Variants in FRAS1 observed in about 807,000 individuals in gnomAD.
The protein encoded by FRAS1 is Fraser extracellular matrix complex subunit 1.
FRAS1 carries 290 observed loss-of-function variants against 435.2 expected under a neutral mutation model. The ratio of observed to expected loss-of-function variants is 0.67; its 90% CI spans 0.61 to 0.73. FRAS1 has a LOEUF of 0.73. Ranked by LOEUF, FRAS1 falls within the 30% of genes least tolerant of loss-of-function variation. The pLI is 0.00. For missense variants in FRAS1, 4,860 were observed against 5,001.5 expected (o/e 0.97, Z 0.85); for synonymous variants, 1,800 against 1,851.0 (o/e 0.97, Z 0.71).
At chr4:78,216,838 G>A (rs929036286) in intron 2 of FRAS1, among the ~76,000 whole-genome samples, 2 of 152,162 alleles carry the variant, frequency 1.3e-5, no homozygotes, top group Non-Finnish European at 2.9e-5. Context: ...GAGAAGAAGG[G>A]AGAGACTGTG....
intron 2 of FRAS1, among the ~76,000 whole-genome samples, chr4:78,216,628 A>G (rs1396247687): frequency 6.6e-6 from 1 of 152,228 alleles, no homozygotes; most frequent in African/African-American, 2.4e-5. Context: ...GCAGTTCAGC[A>G]GTAAACCGTT....
intron 58 of FRAS1, among the ~76,000 whole-genome samples, chr4:78,483,602 A>G (rs1720076673): frequency 1.3e-5 from 2 of 151,888 alleles, no homozygotes; most frequent in South Asian, 2.1e-4. Context: ...TTCTTAAATC[A>G]TTTATTTCAT....
chr4:78,067,108 C>A (rs1259069472), intron 2 of FRAS1, among the ~76,000 whole-genome samples: 1 of 152,126 alleles, frequency 6.6e-6, no homozygotes. Flanking sequence ...AGTCAGTTAT[C>A]CGTGCTAATA....
chr4:78,224,617 C>T lies in FRAS1; in HGVS notation c.109-12893C>T, dbSNP rs1229776685. ...CTGTGATCATGGCTCACTGCAGCCT[C>T]GACTTCCCAGTCTCAAGCAATCCCC... is the stretch of plus-strand genomic sequence containing the variant. On this transcript the variant is annotated intron_variant, in intron 2 of 73. Transcript: ENST00000512123. 2.6e-5 allele frequency among the ~76,000 whole-genome samples: 4 copies of T among 152,164 alleles called. No individual in the cohort carries two copies. The East Asian group carries it at 5.8e-4, about 22-fold the overall frequency.
rs552565424 is a variant in FRAS1 at position 78,265,616 on chromosome 4, T to C, written c.687+508T>C. Among the ~76,000 whole-genome samples, 14 of 152,260 alleles carry C rather than the reference T, an allele frequency of 9.2e-5. No individual in the cohort carries two copies. In the South Asian group the frequency reaches 1.2e-3, roughly 14 times the overall value. The stretch of plus-strand genomic sequence containing the variant: ...TACTATTGGATAGCCTGGATAACGA[T>C]GTGCCTAACATGTAGTAAGCATCAA... On this transcript the variant is annotated intron_variant, in intron 7 of 73. Transcript: ENST00000512123.
At position 78,541,745 on chromosome 4, in the gene FRAS1, C is replaced by T. The variant is rs1722060541; in HGVS notation, c.*621C>T. The T allele has an allele frequency of 6.6e-6, 1 of 152,138 alleles. No homozygotes were observed. Among genetic ancestry groups the T allele is most frequent in the Admixed American group, 6.5e-5 (1 of 15,280 alleles). The allele number at this position is 152,138 out of a possible 1,614,324, so 9.4% of individuals were successfully genotyped here. On this transcript the variant is annotated 3_prime_UTR_variant, in exon 74 of 74. Coordinates refer to ENST00000512123, the MANE Select transcript of FRAS1 (RefSeq NM_025074.7). Reference sequence around the variant, plus strand: ...TGCTTAAGTAAAATCCTCTGAAAACCACGGGAGCCTCTGCCTCCTCAGCCA... The same window carrying T: ...TGCTTAAGTAAAATCCTCTGAAAACTACGGGAGCCTCTGCCTCCTCAGCCA...
intron 2 of FRAS1, among the ~76,000 whole-genome samples, chr4:78,164,937 A>G (rs1721277702): frequency 6.6e-6 from 1 of 152,186 alleles, no homozygotes; most frequent in African/African-American, 2.4e-5. Flanking sequence ...TTCAGATTCA[A>G]TGCTAGGCTG....
At chr4:78,149,149 G>A (rs1244689680) in intron 2 of FRAS1, among the ~76,000 whole-genome samples, 4 of 152,054 alleles carry the variant, frequency 2.6e-5, no homozygotes, top group African/African-American at 9.7e-5. Flanking sequence ...GCATGATCCT[G>A]GAAATGGCAG....
chr4:78,187,663 G>A (rs1401914459), intron 2 of FRAS1, among the ~76,000 whole-genome samples: 3 of 151,938 alleles, frequency 2.0e-5, no homozygotes, highest in Non-Finnish European at 4.4e-5. Flanking sequence ...GAGTGCAGTG[G>A]CAAGATCTCA....
rs552748871 is a variant in FRAS1, at chr4:78,508,581, G to A, written c.9505-150G>A. Reference sequence around the variant, plus strand: ...AAGATCTGCAGTATCTTTTAAGGATGCCTGGCAAAGAATTATAAAAACTTC... The same window carrying A: ...AAGATCTGCAGTATCTTTTAAGGATACCTGGCAAAGAATTATAAAAACTTC... On this transcript the variant is annotated intron_variant, in intron 62 of 73. Coordinates refer to ENST00000512123, the MANE Select transcript of FRAS1 (RefSeq NM_025074.7). 5.3e-5 allele frequency: 40 copies of A among 750,264 alleles called. 1 individual carries two copies. The South Asian group carries it at 7.3e-4, about 14-fold the overall frequency. The allele number at this position is 750,264 out of a possible 1,614,324, so 46.5% of individuals were successfully genotyped here. A position where few individuals can be genotyped will look rare whatever the true frequency, so the allele number is the denominator to read the frequency against.
chr4:78,070,552 C>A (rs1018677469), intron 2 of FRAS1: 7 of 152,142 alleles, frequency 4.6e-5, no homozygotes, highest in African/African-American at 1.7e-4. Context: ...AATACCCATG[C>A]ACCCCTGGGC....
chr4:78,283,445 G>C (rs918239429), intron 12 of FRAS1, among the ~76,000 whole-genome samples: 1 of 152,186 alleles, frequency 6.6e-6, no homozygotes, highest in African/African-American at 2.4e-5. Context: ...TTTTCCAAAA[G>C]ATAATTTTGT....
At chr4:78,501,578 A>G (rs2109875843) in intron 61 of FRAS1, among the ~76,000 whole-genome samples, 1 of 152,256 alleles carries the variant, frequency 6.6e-6, no homozygotes, top group South Asian at 2.1e-4. Flanking sequence ...TTACACTCCC[A>G]CCAACAGCAT....
chr4:78,237,986 A>G (rs1386305217), intron 3 of FRAS1, among the ~76,000 whole-genome samples: 1 of 152,198 alleles, frequency 6.6e-6, no homozygotes, highest in Non-Finnish European at 1.5e-5. Context: ...TCATGCAATT[A>G]ATAAACTGCT....
At position 78,181,750 on chromosome 4, in the gene FRAS1, C is replaced by A. The variant is rs558303271; in HGVS notation, c.109-55760C>A. The A allele has an allele frequency of 1.0e-4, 164 of 1,610,396 alleles. No individual in the cohort carries two copies. The East Asian group carries it at 3.6e-3, about 35-fold the overall frequency. On this transcript the variant is annotated intron_variant, in intron 2 of 73. Transcript: ENST00000512123. ...GTCTTATTCCTTCTTTCTTAAGCGCCACGGGCGGCTGCGTCTCCTCTTTCT... is the reference window on the plus strand; with the variant it reads ...GTCTTATTCCTTCTTTCTTAAGCGCAACGGGCGGCTGCGTCTCCTCTTTCT...
intron 2 of FRAS1, among the ~76,000 whole-genome samples, chr4:78,149,015 G>T (rs925451066): frequency 1.3e-5 from 2 of 152,270 alleles, no homozygotes; most frequent in East Asian, 3.9e-4. Flanking sequence ...TCTTTGGGGA[G>T]AGCTATTTCA....
intron 2 of FRAS1, among the ~76,000 whole-genome samples, chr4:78,235,140 A>G (rs1454051578): frequency 2.0e-5 from 3 of 152,174 alleles, no homozygotes; most frequent in African/African-American, 7.2e-5. Flanking sequence ...AACTGATTGG[A>G]TGAGTCCACC....
In FRAS1 at chr4:78,441,166, A is replaced by T; in HGVS notation, c.5534A>T (p.Asp1845Val). The T allele has an allele frequency of 1.2e-6, 2 of 1,613,710 alleles. No homozygotes were observed. Among genetic ancestry groups the T allele is most frequent in the Non-Finnish European group, 8.5e-7 (1 of 1,179,774 alleles). Residue 1845 changes from aspartate (D) to valine (V), a missense_variant, in exon 41 of 74, where the codon GAT (aspartate) becomes GTT (valine). Asp to Val is a radical substitution (Grantham distance 152). Transcript: ENST00000512123. ...VIAFADLITV[D>V]EGGRAPLSFH... The stretch of plus-strand genomic sequence containing the variant: ...CTATGTTCTTTTCTTTCTTAGGTTG[A>T]TGAGGGAGGGAGAGCACCACTCTCA...
intron 20 of FRAS1, among the ~76,000 whole-genome samples, chr4:78,339,523 G>A (rs1730317290): frequency 6.6e-6 from 1 of 152,216 alleles, no homozygotes; most frequent in South Asian, 2.1e-4. Flanking sequence ...GCATTATGCG[G>A]GGGGGTGGAA....
Sources: allele counts gnomAD v4.1 joint callset (sites outside exome capture counted in the v4.1 genomes callset), GRCh38; gene constraint gnomAD v4.1.1; transcripts MANE v1.5; gene names NCBI Gene and HGNC (gene_info 2026-07-23, HGNC 2026-07-21).